PTPN13: variants seen among roughly 807,000 people sequenced by gnomAD.
The protein encoded by PTPN13 is tyrosine-protein phosphatase non-receptor type 13.
Under a neutral mutation model 284.0 loss-of-function variants are expected in PTPN13, and 191 were observed. That is an observed-to-expected ratio of 0.67 (90% CI 0.60 to 0.76). PTPN13 has a LOEUF of 0.76. Ranked by LOEUF, PTPN13 falls within the 30% of genes least tolerant of loss-of-function variation. The pLI is 0.00. For missense variants in PTPN13, 2,797 were observed against 2,939.9 expected (o/e 0.95, Z 1.12); for synonymous variants, 986 against 1,022.3 (o/e 0.96, Z 0.68).
intron 2 of PTPN13, among the ~76,000 whole-genome samples, chr4:86,638,720 A>T (rs1452116141): frequency 6.6e-6 from 1 of 152,176 alleles, no homozygotes; most frequent in African/African-American, 2.4e-5. Flanking sequence ...TAAAACCATA[A>T]AAACCCTAGA....
intron 1 of PTPN13, 88 bp downstream of exon 1, chr4:86,594,877 C>A (rs1366658043): frequency 6.6e-6 from 1 of 152,516 alleles, no homozygotes; most frequent in Admixed American, 6.5e-5. Context: ...CCTCCTCTCT[C>A]TGCTTTCGCT....
chr4:86,614,144 G>A lies in PTPN13; in HGVS notation c.-6+19355G>A, dbSNP rs1259381289. On this transcript the variant is annotated intron_variant, in intron 1 of 47. Transcript: ENST00000411767. ...TTATTAGCAACTTTTTCAGTATATAGGGTAGTTTTGTTGTAATATACAAGA... is the reference window on the plus strand; with the variant it reads ...TTATTAGCAACTTTTTCAGTATATAAGGTAGTTTTGTTGTAATATACAAGA... Among the ~76,000 whole-genome samples, 3 of 152,100 alleles carry A rather than the reference G, an allele frequency of 2.0e-5. No homozygotes were observed. The East Asian group carries it at 5.8e-4, about 29-fold the overall frequency.
At chr4:86,740,391 A>T (rs1257388295) in intron 15 of PTPN13, among the ~76,000 whole-genome samples, 1 of 152,198 alleles carries the variant, frequency 6.6e-6, no homozygotes, top group Non-Finnish European at 1.5e-5. Context: ...GGAAGCTGCC[A>T]AGGCTTGGGG....
At chr4:86,805,450 T>TATCCCTC (rs1290345221) in intron 44 of PTPN13, 81 bp downstream of exon 44, 11 of 699,766 alleles carry the variant, frequency 1.6e-5, no homozygotes, top group Non-Finnish European at 2.1e-5. Flanking sequence ...TTAACTTACC[T>TATCCCTC]ATCCCTCACA....
chr4:86,807,971 A>T (rs563701712), intron 45 of PTPN13, 74 bp downstream of exon 45: 71 of 1,255,400 alleles, frequency 5.7e-5, no homozygotes, highest in Admixed American at 5.2e-4. Context: ...TCTTTCCGTG[A>T]TTGCACCAAT....
chr4:86,717,273 CCTT>C (rs1327948997), intron 9 of PTPN13, among the ~76,000 whole-genome samples, 156 bp downstream of exon 9: 2 of 150,366 alleles, frequency 1.3e-5, no homozygotes, highest in Non-Finnish European at 2.9e-5. Context: ...ACTGCAACCT[CCTT>C]CTCCCAGGTT....
At chr4:86,751,919 A>G (rs1737427371) in intron 19 of PTPN13, among the ~76,000 whole-genome samples, 1 of 143,370 alleles carries the variant, frequency 7.0e-6, no homozygotes, top group Non-Finnish European at 1.6e-5. Context: ...GTGAAATTGT[A>G]TGTATGTGTG....
intron 7 of PTPN13, among the ~76,000 whole-genome samples, chr4:86,705,586 TG>T (rs1731671732): frequency 1.3e-5 from 2 of 152,268 alleles, no homozygotes; most frequent in Admixed American, 6.5e-5. Flanking sequence ...TAAAAAGAAA[TG>T]TTTTGTACAA....
intron 2 of PTPN13, among the ~76,000 whole-genome samples, chr4:86,651,568 T>G (rs1161913140): frequency 1.3e-5 from 2 of 152,192 alleles, no homozygotes; most frequent in Non-Finnish European, 2.9e-5. Flanking sequence ...GGTATTACTT[T>G]TTTAAATGTT....
chr4:86,785,973 C>A, intron 40 of PTPN13, 37 bp downstream of exon 40: 3 of 1,201,878 alleles, frequency 2.5e-6, no homozygotes, highest in Non-Finnish European at 3.5e-6. Context: ...GATATGACAG[C>A]TTGTTACAAT....
chr4:86,602,647 T>G (rs1474403139), intron 1 of PTPN13, among the ~76,000 whole-genome samples: 1 of 152,074 alleles, frequency 6.6e-6, no homozygotes, highest in African/African-American at 2.4e-5. Context: ...TACTAGAACT[T>G]GTGAAATGAA....
intron 3 of PTPN13, among the ~76,000 whole-genome samples, chr4:86,675,525 T>C (rs1030156840): frequency 1.4e-4 from 21 of 152,292 alleles, no homozygotes; most frequent in Non-Finnish European, 2.5e-4. Context: ...AAATTTTTTA[T>C]AATGCTCAGT....
rs1325147680 is a variant in PTPN13, at chr4:86,732,343, A to C, written c.1609-57A>C. The C allele has an allele frequency of 2.2e-6, 3 of 1,344,176 alleles. No individual in the cohort carries two copies. The Admixed American group carries it at 7.5e-5, about 34-fold the overall frequency. 83.3% of individuals were successfully genotyped at this position (1,344,176 alleles called of 1,614,324 possible). ...TTATTCTTACATTATTTTTCCTTTC[A>C]AGGAAAAAACTAGAATAAATAGTAA... On this transcript the variant is annotated intron_variant, in intron 10 of 47. Transcript: ENST00000411767.
At chr4:86,787,686 GCA>G (rs1742110839) in intron 40 of PTPN13, among the ~76,000 whole-genome samples, 1 of 151,706 alleles carries the variant, frequency 6.6e-6, no homozygotes, top group Non-Finnish European at 1.5e-5. Flanking sequence ...TTTCCACTGT[GCA>G]TATCAAAACA....
chr4:86,803,886 C>T, intron 43 of PTPN13, 29 bp downstream of exon 43: 1 of 1,607,216 alleles, frequency 6.2e-7, no homozygotes, highest in Middle Eastern at 1.7e-4. Context: ...TGATTCTCTC[C>T]CAAAGTGTAT....
chr4:86,642,614 G>A (rs529626726), intron 2 of PTPN13, among the ~76,000 whole-genome samples: 7 of 151,574 alleles, frequency 4.6e-5, no homozygotes, highest in South Asian at 2.1e-4. Context: ...CACCACACCC[G>A]GCTAATTTTT....
intron 35 of PTPN13, 61 bp from the exon 36 acceptor site, chr4:86,780,341 C>T (rs1296464656): frequency 1.1e-5 from 15 of 1,393,302 alleles, no homozygotes; most frequent in Non-Finnish European, 1.4e-5. Context: ...ATTGCTTGGG[C>T]CTGGGAGGTC....
intron 2 of PTPN13, among the ~76,000 whole-genome samples, chr4:86,663,400 G>A (rs1399777860): frequency 6.6e-6 from 1 of 152,194 alleles, no homozygotes; most frequent in Non-Finnish European, 1.5e-5. Flanking sequence ...TAATAAACTG[G>A]GGGAAACTTA....
rs192853894 is a variant in PTPN13, at chr4:86,618,275, C to T, written c.-5-16977C>T. 2.3e-3 allele frequency among the ~76,000 whole-genome samples: 355 copies of T among 152,212 alleles called. 1 individual carries two copies. Among genetic ancestry groups the T allele is most frequent in the African/African-American group, 8.4e-3 (347 of 41,526 alleles). On this transcript the variant is annotated intron_variant, in intron 1 of 47. Transcript: ENST00000411767. ...TATTTCTGAGGGCTCTGTTCTGTTC[C>T]ATTGTTCTGTATCTCTCTTTTGGTA...
Sources: gnomAD v4.1 joint callset for allele counts (sites outside exome capture counted in the v4.1 genomes callset) on GRCh38, gnomAD v4.1.1 for gene constraint, MANE v1.5 for transcripts, NCBI Gene and HGNC (gene_info 2026-07-23, HGNC 2026-07-21) for gene names.